PNPLA8: variants seen among roughly 807,000 people sequenced by gnomAD.
PNPLA8 encodes patatin like domain 8, phospholipase A2.
A neutral mutation model predicts 76.9 loss-of-function variants in PNPLA8; 39 were observed. That is an observed-to-expected ratio of 0.51 (90% confidence interval 0.39 to 0.66). The LOEUF (loss-of-function observed/expected upper bound fraction) is 0.66, where lower values mean the gene tolerates loss of function less well. PNPLA8 is among the 30% of genes least tolerant of loss of function. PNPLA8 has a pLI of 0.00. For missense variants in PNPLA8, 887 were observed against 918.0 expected, an observed-to-expected ratio of 0.97 and a Z score of 0.44; for synonymous variants, 301 against 307.9, an observed-to-expected ratio of 0.98 and a Z score of 0.24.
At chr7:108,494,179 T>C (rs40845) in intron 7 of PNPLA8, among the ~76,000 whole-genome samples, 45,078 of 152,058 alleles carry the variant, frequency 0.3, 7,215 homozygotes, top group African/African-American at 0.38. Context: ...AATATTTACC[T>C]ACCTTCAGAG....
Position 108,472,608 on chromosome 7 carries a change from A to G in PNPLA8, c.2142T>C (p.Cys714=), listed in dbSNP as rs768045273. 6.2e-7 allele frequency: 1 copy of G among 1,611,562 alleles called. No homozygotes were observed. Among genetic ancestry groups the G allele is most frequent in the Admixed American group, 1.7e-5 (1 of 59,606 alleles). The change falls in exon 11 of 11, where the codon TGT becomes TGC. Residue 714 remains cysteine (C), a synonymous_variant. Transcript: ENST00000257694. ...DTYFRFNPVM[C]ENIPLDESRN... ...GACTTTCATCTAGAGGTATGTTTTC[A>G]CACATTACAGGATTGAATCTAAAAT...
At chr7:108,512,398 A>C (rs1862999064) in intron 4 of PNPLA8, among the ~76,000 whole-genome samples, 1 of 152,210 alleles carries the variant, frequency 6.6e-6, no homozygotes, top group Non-Finnish European at 1.5e-5. Context: ...TTAATTAAAA[A>C]ACATAATGAA....
chr7:108,480,456 T>C (rs2154514874), intron 9 of PNPLA8, among the ~76,000 whole-genome samples: 1 of 152,332 alleles, frequency 6.6e-6, no homozygotes, highest in South Asian at 2.1e-4. Context: ...CCTTCTCCTG[T>C]TCAGCTCCCA....
intron 1 of PNPLA8, among the ~76,000 whole-genome samples, chr7:108,523,576 A>G (rs1863890188): frequency 6.6e-6 from 1 of 152,202 alleles, no homozygotes; most frequent in African/African-American, 2.4e-5. Context: ...CGTGGCTAAT[A>G]TGGTCCAAGT....
At chr7:108,490,931 AG>A (rs1861120211) in intron 8 of PNPLA8, among the ~76,000 whole-genome samples, 1 of 152,220 alleles carries the variant, frequency 6.6e-6, no homozygotes, top group Non-Finnish European at 1.5e-5. Flanking sequence ...AATTTATAAA[AG>A]GTATAAGGAT....
chr7:108,497,989 C>A (rs1403861105), intron 5 of PNPLA8, among the ~76,000 whole-genome samples: 3 of 145,568 alleles, frequency 2.1e-5, no homozygotes, highest in Admixed American at 6.9e-5. Context: ...ATAGCGAGAT[C>A]CCATTTCTAC....
At chr7:108,485,632 T>TA (rs1308874508) in intron 9 of PNPLA8, among the ~76,000 whole-genome samples, 1 of 152,112 alleles carries the variant, frequency 6.6e-6, no homozygotes, top group Non-Finnish European at 1.5e-5. Context: ...TCTGAGTGGT[T>TA]AGAAAGAATT....
intron 4 of PNPLA8, among the ~76,000 whole-genome samples, chr7:108,504,211 A>G (rs1862167589): frequency 6.6e-6 from 1 of 152,248 alleles, no homozygotes; most frequent in Non-Finnish European, 1.5e-5. Context: ...ATAATTTGAT[A>G]TAATCTAGAG....
chr7:108,525,285 T>C (rs1297605958), intron 1 of PNPLA8, among the ~76,000 whole-genome samples: 2 of 152,246 alleles, frequency 1.3e-5, no homozygotes, highest in Non-Finnish European at 2.9e-5. Context: ...TTTGTCATTT[T>C]TGAACTCTCA....
At chr7:108,505,298 A>G (rs1398156318) in intron 4 of PNPLA8, among the ~76,000 whole-genome samples, 1 of 63,740 alleles carries the variant, frequency 1.6e-5, no homozygotes, top group African/African-American at 6.8e-5. Context: ...ACACAAGAAA[A>G]TTTATATATA....
At chr7:108,485,867 A>T (rs1459240511) in intron 9 of PNPLA8, among the ~76,000 whole-genome samples, 1 of 152,102 alleles carries the variant, frequency 6.6e-6, no homozygotes, top group Non-Finnish European at 1.5e-5. Flanking sequence ...AAAGTTTCTG[A>T]AGCTTATTGA....
intron 2 of PNPLA8, chr7:108,518,185 C>T (rs148695916): frequency 6.6e-6 from 1 of 152,332 alleles, no homozygotes; most frequent in Non-Finnish European, 1.5e-5. Context: ...CTCCCAAAGA[C>T]CTACCTCTTA....
chr7:108,491,364 C>T (rs1401811457), intron 8 of PNPLA8, 46 bp downstream of exon 8: 1 of 1,143,280 alleles, frequency 8.7e-7, no homozygotes, highest in South Asian at 1.3e-5. Flanking sequence ...TTTCACCAGA[C>T]CTTCAGATGG....
At position 108,471,577 on chromosome 7, in the gene PNPLA8, A is replaced by G. The variant is rs935772237; in HGVS notation, c.*824T>C. On this transcript the variant is annotated 3_prime_UTR_variant, in exon 11 of 11. Coordinates refer to ENST00000257694, the MANE Select transcript of PNPLA8 (RefSeq NM_001256007.3). Reference sequence around the variant, plus strand: ...TATTCAAAGGCTAAAGGGGAGCTACATTATGAACAAAAATTAATTTTAAAA... The same window carrying G: ...TATTCAAAGGCTAAAGGGGAGCTACGTTATGAACAAAAATTAATTTTAAAA... 6.6e-6 allele frequency: 1 copy of G among 152,208 alleles called. No individual in the cohort carries two copies. Among genetic ancestry groups the G allele is most frequent in the Non-Finnish European group, 1.5e-5 (1 of 68,044 alleles). The allele number at this position is 152,208 out of a possible 1,614,324, so 9.4% of individuals were successfully genotyped here.
At chr7:108,506,631 T>A (rs1433089686) in intron 4 of PNPLA8, among the ~76,000 whole-genome samples, 1 of 151,042 alleles carries the variant, frequency 6.6e-6, no homozygotes, top group South Asian at 2.1e-4. Flanking sequence ...CTGCAAACCA[T>A]CCAAATGTCT....
chr7:108,499,061 G>T (rs1861761433), intron 5 of PNPLA8, among the ~76,000 whole-genome samples: 1 of 152,180 alleles, frequency 6.6e-6, no homozygotes, highest in Non-Finnish European at 1.5e-5. Flanking sequence ...TCTTATGAAA[G>T]AGGTACATTA....
Position 108,515,267 on chromosome 7 carries a change from G to A in PNPLA8, c.225C>T (p.Ser75=). 6.2e-7 allele frequency: 1 copy of A among 1,604,952 alleles called. No homozygotes were observed. Among genetic ancestry groups the A allele is most frequent in the African/African-American group, 1.3e-5 (1 of 74,686 alleles). The change falls in exon 3 of 11, where the codon AGC becomes AGT. Residue 75 remains serine (S), a synonymous_variant. Coordinates refer to ENST00000257694, the MANE Select transcript of PNPLA8 (RefSeq NM_001256007.3). ...HSCSKHCYSP[S]NHGLHIGILK... is the part of the protein sequence containing the mutation. Reference sequence around the variant, plus strand: ...AAATCCCAATATGTAAACCATGGTTGCTTGGAGAGTAACAGTGCTTACTGC... The same window carrying A: ...AAATCCCAATATGTAAACCATGGTTACTTGGAGAGTAACAGTGCTTACTGC...
At chr7:108,496,229 G>C (rs977932398) in intron 7 of PNPLA8, among the ~76,000 whole-genome samples, 1 of 152,066 alleles carries the variant, frequency 6.6e-6, no homozygotes, top group African/African-American at 2.4e-5. Flanking sequence ...GAGTGAGAGC[G>C]TGTGTCGAAA....
At chr7:108,498,114 T>C (rs921576270) in intron 5 of PNPLA8, among the ~76,000 whole-genome samples, 2 of 134,804 alleles carry the variant, frequency 1.5e-5, no homozygotes, top group African/African-American at 5.5e-5. Flanking sequence ...AATATAAAAT[T>C]GAAAAAAAAA....
Sources: gnomAD v4.1 joint callset for allele counts (sites outside exome capture counted in the v4.1 genomes callset) on GRCh38, gnomAD v4.1.1 for gene constraint, MANE v1.5 for transcripts, NCBI Gene and HGNC (gene_info 2026-07-23, HGNC 2026-07-21) for gene names.